The following RPS24 variants were observed in gnomAD, a reference collection of about 807,000 sequenced individuals.
RPS24 encodes the protein ribosomal protein S24, also known as small ribosomal subunit protein eS24.
For missense variants in RPS24, 100 were observed against 162.5 expected (o/e 0.62, Z 2.09); for synonymous variants, 72 against 55.6 (o/e 1.30, Z -1.31).
chr10:78,056,489 C>A, exon 5 of RPS24: 1 of 152,198 alleles, frequency 6.6e-6, no homozygotes, highest in African/African-American at 2.4e-5. Context: ...AGACCTGAAC[C>A]AATCAGTGCA....
chr10:78,045,821 A>G (rs1848037569), intron 4 of RPS24, among the ~76,000 whole-genome samples: 1 of 151,744 alleles, frequency 6.6e-6, no homozygotes, highest in East Asian at 2.0e-4. Flanking sequence ...CCTGGCCAAC[A>G]TGGTGAAACA....
downstream of RPS24, among the ~76,000 whole-genome samples, chr10:78,043,845 C>A (rs1440009621): frequency 6.6e-6 from 1 of 152,122 alleles, no homozygotes; most frequent in Non-Finnish European, 1.5e-5. Flanking sequence ...CAACTGCAGT[C>A]TGGAAAATTA....
chr10:78,040,378 A>G, intron 5 of RPS24, 153 bp downstream of exon 5: 1 of 766,144 alleles, frequency 1.3e-6, no homozygotes, highest in Non-Finnish European at 2.2e-6. Context: ...TAACAGTGAC[A>G]TGGTTTTGTT....
chr10:78,036,546 C>T (rs770647216), intron 3 of RPS24: 16 of 153,340 alleles, frequency 1.0e-4, no homozygotes, highest in South Asian at 2.0e-4. Flanking sequence ...CCTCGTAATC[C>T]GCCCACCTCG....
chr10:78,044,860 T>G (rs1419305703), downstream of RPS24, among the ~76,000 whole-genome samples: 2 of 151,554 alleles, frequency 1.3e-5, no homozygotes, highest in Non-Finnish European at 2.9e-5. Context: ...TGCAGTGGAT[T>G]GTGTGTTCTT....
chr10:78,038,316 C>T (rs1210963339), intron 4 of RPS24: 1 of 170,890 alleles, frequency 5.9e-6, no homozygotes, highest in Non-Finnish European at 1.2e-5. Flanking sequence ...AATGCTGTGT[C>T]CACATACTTA....
chr10:78,041,723 GA>G (rs1202105288), downstream of RPS24, among the ~76,000 whole-genome samples: 3 of 152,112 alleles, frequency 2.0e-5, no homozygotes, highest in African/African-American at 7.2e-5. Context: ...GTGCTGCAGG[GA>G]TGGGATGGGA....
In RPS24 at chr10:78,054,709, T is replaced by A; in HGVS notation, c.569T>A (p.Leu190Ter). The A allele has an allele frequency of 5.2e-6, 8 of 1,551,666 alleles. No homozygotes were observed. Among genetic ancestry groups the A allele is most frequent in the Non-Finnish European group, 7.0e-6 (8 of 1,146,982 alleles). The change falls in exon 5 of 5, where the codon TTA becomes TAA. Residue 190 changes from leucine (L) to a stop codon, truncating the protein, a stop_gained. Coordinates refer to the RPS24 transcript ENST00000440692. LOFTEE classifies it low-confidence loss of function (END_TRUNC). ...TTGCGGAGGGGCTGTGGCAAGTATT[T>A]ACAGGTGGCCGTTACCTGGAGGAAG...
At chr10:78,039,935 CT>C (rs1472466168) in intron 4 of RPS24, 1 of 537,210 alleles carries the variant, frequency 1.9e-6, no homozygotes, top group African/African-American at 1.9e-5. Context: ...ACCACATTGG[CT>C]TAATGATCTC....
intron 4 of RPS24, among the ~76,000 whole-genome samples, chr10:78,051,642 G>C (rs1436517278): frequency 7.9e-5 from 12 of 152,190 alleles, no homozygotes. Context: ...CTGGTTAACT[G>C]TTTTCCACAG....
downstream of RPS24, among the ~76,000 whole-genome samples, chr10:78,044,416 C>T (rs1455569159): frequency 3.9e-5 from 6 of 152,112 alleles, no homozygotes; most frequent in Non-Finnish European, 7.4e-5. Context: ...AGATGGAAGG[C>T]CCTACATGAC....
At chr10:78,040,776 A>T, downstream of RPS24, 1 of 982,402 alleles carries the variant, frequency 1.0e-6, no homozygotes, top group Non-Finnish European at 1.6e-6. Context: ...GTTGCTGTCC[A>T]AGTTCACATG....
At chr10:78,054,069 G>T (rs531115347) in intron 4 of RPS24, among the ~76,000 whole-genome samples, 22 of 152,240 alleles carry the variant, frequency 1.4e-4, no homozygotes, top group African/African-American at 4.8e-4. Flanking sequence ...AGCTTTCCCA[G>T]GGTATGGGGG....
chr10:78,048,358 C>T (rs978262899), intron 4 of RPS24, among the ~76,000 whole-genome samples: 5 of 151,878 alleles, frequency 3.3e-5, no homozygotes, highest in Admixed American at 6.6e-5. Flanking sequence ...TACATTGCCT[C>T]GGAGGGTCTT....
chr10:78,043,299 G>A (rs1259133536), downstream of RPS24, among the ~76,000 whole-genome samples: 2 of 152,224 alleles, frequency 1.3e-5, no homozygotes, highest in Non-Finnish European at 2.9e-5. Flanking sequence ...CACCGTGCCC[G>A]GCCTAATCTG....
chr10:78,040,339 T>C, intron 5 of RPS24, 114 bp downstream of exon 5: 2 of 937,562 alleles, frequency 2.1e-6, no homozygotes, highest in African/African-American at 1.6e-5. Flanking sequence ...TTTACAAATA[T>C]TCTGAAGAGT....
chr10:78,041,650 T>C (rs1847987276), downstream of RPS24, among the ~76,000 whole-genome samples: 1 of 151,324 alleles, frequency 6.6e-6, no homozygotes, highest in Non-Finnish European at 1.5e-5. Flanking sequence ...TGAGCTGGAG[T>C]GTGGAAGCAG....
intron 4 of RPS24, among the ~76,000 whole-genome samples, chr10:78,050,196 C>A (rs142958333): frequency 6.6e-6 from 1 of 152,136 alleles, no homozygotes; most frequent in Non-Finnish European, 1.5e-5. Context: ...TTTCTTTGTT[C>A]CCCTTTCTGC....
downstream of RPS24, among the ~76,000 whole-genome samples, chr10:78,044,545 G>T (rs1023072486): frequency 2.0e-5 from 3 of 152,026 alleles, no homozygotes; most frequent in Non-Finnish European, 4.4e-5. Context: ...CATTTGTGCT[G>T]GCAGAGAGGC....
Sources: gnomAD v4.1 joint callset for allele counts (sites outside exome capture counted in the v4.1 genomes callset) on GRCh38, gnomAD v4.1.1 for gene constraint, MANE v1.5 for transcripts, NCBI Gene and HGNC (gene_info 2026-07-23, HGNC 2026-07-21) for gene names.